The following CEP290 variants were observed in gnomAD, a reference collection of about 807,000 sequenced individuals.
CEP290 encodes centrosomal protein of 290 kDa.
CEP290 carries 317 observed loss-of-function variants against 344.9 expected under a neutral mutation model. The observed-to-expected ratio is 0.92, with a 90% CI of 0.84 to 1.01. The LOEUF is 1.01. Ranked by LOEUF, CEP290 falls within the 50% of genes least tolerant of loss-of-function variation. CEP290 has a pLI of 0.00. For synonymous variants in CEP290, 932 were observed against 895.8 expected (o/e 1.04, Z -0.72); for missense variants, 2,754 against 2,761.4 (o/e 1.00, Z 0.06).
chr12:88,073,984 G>T (rs888485800), intron 41 of CEP290, among the ~76,000 whole-genome samples: 1 of 151,962 alleles, frequency 6.6e-6, no homozygotes, highest in South Asian at 2.1e-4. Context: ...CAGCACTTTG[G>T]GGGGCCAAGG....
Position 88,102,835 on chromosome 12 carries a change from T to G in CEP290, c.2991+3A>C. 5.6e-6 allele frequency: 9 copies of G among 1,608,412 alleles called. No homozygotes were observed. The highest frequency in any genetic ancestry group is 7.6e-6 in the Non-Finnish European group (9 of 1,177,642). ...ACAAGGTTCAAGAATCACACAAACT[T>G]ACCTCCAGGTGTTCCAAGTTACTTG... is the stretch of plus-strand genomic sequence containing the variant. On this transcript the variant is annotated splice_donor_region_variant and intron_variant, in intron 26 of 53. Coordinates refer to ENST00000552810, the MANE Select transcript of CEP290 (RefSeq NM_025114.4).
At chr12:88,084,104 G>A (rs2036394976) in intron 35 of CEP290, 150 bp from the exon 36 acceptor site, 1 of 573,354 alleles carries the variant, frequency 1.7e-6, no homozygotes, top group Non-Finnish European at 3.0e-6. Flanking sequence ...ATCTAGACTG[G>A]TATGCATGTC....
intron 29 of CEP290, 67 bp downstream of exon 29, chr12:88,092,614 G>A: frequency 7.2e-7 from 1 of 1,393,292 alleles, no homozygotes; most frequent in African/African-American, 1.4e-5. Context: ...CCTGTAATTG[G>A]GTTTCTTAAA....
At chr12:88,115,861 C>G in intron 18 of CEP290, 3 of 983,078 alleles carry the variant, frequency 3.1e-6, no homozygotes, top group Non-Finnish European at 3.6e-6. Flanking sequence ...GTAATAGACA[C>G]AGGGTCTGGA....
chr12:88,126,215 C>A, intron 12 of CEP290, 101 bp downstream of exon 12: 1 of 930,226 alleles, frequency 1.1e-6, no homozygotes, highest in Non-Finnish European at 1.5e-6. Flanking sequence ...GTAGTACCAG[C>A]CGCTACACTA....
In CEP290 at chr12:88,066,780, A is replaced by G. The variant is rs565714513; in HGVS notation, c.6135+1742T>C. The stretch of plus-strand genomic sequence containing the variant: ...GCCTCCCTAATAGCTAGGACTACAA[A>G]TGTGTTCCACCACATCTGTCTAAAT... On this transcript the variant is annotated intron_variant, in intron 44 of 53. Transcript: ENST00000552810. Among the ~76,000 whole-genome samples the G allele has an allele frequency of 3.5e-4, 53 of 152,118 alleles. No homozygotes were observed. In the South Asian group the frequency reaches 0.011, roughly 31 times the overall value.
At chr12:88,082,283 A>G (rs1272520658) in intron 37 of CEP290, among the ~76,000 whole-genome samples, 1 of 152,236 alleles carries the variant, frequency 6.6e-6, no homozygotes, top group Non-Finnish European at 1.5e-5. Context: ...TGTGTAATCA[A>G]AAGTTTTCTA....
intron 26 of CEP290, among the ~76,000 whole-genome samples, chr12:88,098,458 A>C (rs1428052365): frequency 6.6e-6 from 1 of 151,856 alleles, no homozygotes; most frequent in Non-Finnish European, 1.5e-5. Context: ...AAAAAACACA[A>C]AAAATTAGCT....
At chr12:88,083,519 T>C (rs1403473716) in intron 36 of CEP290, among the ~76,000 whole-genome samples, 1 of 152,184 alleles carries the variant, frequency 6.6e-6, no homozygotes, top group East Asian at 1.9e-4. Flanking sequence ...GAAAGACATG[T>C]CATTTCATAC....
chr12:88,098,968 A>C (rs2037671556), intron 26 of CEP290, among the ~76,000 whole-genome samples: 1 of 152,228 alleles, frequency 6.6e-6, no homozygotes, highest in Non-Finnish European at 1.5e-5. Context: ...TGGCATGCCA[A>C]GACAAGGAAC....
rs922586667 is a variant in CEP290 at position 88,059,766 on chromosome 12, T to C, written c.6645+132A>G. On this transcript the variant is annotated intron_variant, in intron 48 of 53. Coordinates refer to ENST00000552810, the MANE Select transcript of CEP290 (RefSeq NM_025114.4). ...TGGTGGAATGTGATGACAGCAGGCA[T>C]AGAAACACAATTCCTCAATCTCTTA... 5.6e-6 allele frequency: 4 copies of C among 714,066 alleles called. No homozygotes were observed. In the African/African-American group the frequency reaches 7.5e-5, roughly 13 times the overall value. The allele number at this position is 714,066 out of a possible 1,614,324, so 44.2% of individuals were successfully genotyped here.
At position 88,129,980 on chromosome 12, in the gene CEP290, G is replaced by C. The variant is rs987013589; in HGVS notation, c.670-104C>G. 9.1e-6 allele frequency: 7 copies of C among 771,058 alleles called. No homozygotes were observed. The Admixed American group carries it at 2.2e-4, about 25-fold the overall frequency. 47.8% of individuals were successfully genotyped at this position (771,058 alleles called of 1,614,324 possible). On this transcript the variant is annotated intron_variant, in intron 9 of 53. Coordinates refer to ENST00000552810, the MANE Select transcript of CEP290 (RefSeq NM_025114.4). ...GCCATAAGTGTCCTCTAGAAAAAAAGAGAATTCTTTATAGACCTTTACTAA... is the reference window on the plus strand; with the variant it reads ...GCCATAAGTGTCCTCTAGAAAAAAACAGAATTCTTTATAGACCTTTACTAA...
intron 27 of CEP290, among the ~76,000 whole-genome samples, chr12:88,096,088 G>A (rs987765482): frequency 2.2e-4 from 33 of 150,802 alleles, no homozygotes; most frequent in Non-Finnish European, 1.0e-4. Flanking sequence ...CACTCTTATC[G>A]CCTAGGCTGG....
At position 88,087,767 on chromosome 12, in the gene CEP290, TATAAA is replaced by T. The variant is rs1223134777; in HGVS notation, c.4194+8_4194+12del. ...AACTTAGGGAAAAAAATGAAATAAATATAAAATAAAACCTTGTTCTGTTGCACAAT... is the reference window on the plus strand; with the variant it reads ...AACTTAGGGAAAAAAATGAAATAAATATAAAACCTTGTTCTGTTGCACAAT... On this transcript the variant is annotated splice_region_variant and intron_variant, in intron 32 of 53. Transcript: ENST00000552810. The T allele has an allele frequency of 1.2e-6, 1 of 804,676 alleles. No homozygotes were observed. Among genetic ancestry groups the T allele is most frequent in the Non-Finnish European group, 1.7e-6 (1 of 594,694 alleles). The allele number at this position is 804,676 out of a possible 1,614,324, so 49.8% of individuals were successfully genotyped here. A position where few individuals can be genotyped will look rare whatever the true frequency, so the allele number is the denominator to read the frequency against.
intron 35 of CEP290, among the ~76,000 whole-genome samples, 197 bp downstream of exon 35, chr12:88,084,389 T>C (rs1000582287): frequency 1.3e-5 from 2 of 152,168 alleles, no homozygotes; most frequent in Non-Finnish European, 1.5e-5. Flanking sequence ...GTTTAGTCAG[T>C]GTATAATAGA....
Position 88,080,162 on chromosome 12 carries a change from A to C in CEP290, c.5226+20T>G, listed in dbSNP as rs2036088068. 1 of 1,517,458 alleles carries C rather than the reference A, an allele frequency of 6.6e-7. No individual in the cohort carries two copies. The highest frequency in any genetic ancestry group is 9.0e-7 in the Non-Finnish European group (1 of 1,115,600). The allele number at this position is 1,517,458 out of a possible 1,614,324, so 94.0% of individuals were successfully genotyped here. Reference sequence around the variant, plus strand: ...CCACATATTTTTCCTAAATGTTGATAATTTTCTGTTGTTACTTACTTTCTG... The same window carrying C: ...CCACATATTTTTCCTAAATGTTGATCATTTTCTGTTGTTACTTACTTTCTG... On this transcript the variant is annotated intron_variant, in intron 38 of 53. Coordinates refer to ENST00000552810, the MANE Select transcript of CEP290 (RefSeq NM_025114.4).
intron 26 of CEP290, among the ~76,000 whole-genome samples, chr12:88,099,398 G>A (rs532335377): frequency 6.6e-6 from 1 of 152,222 alleles, no homozygotes; most frequent in Admixed American, 6.5e-5. Flanking sequence ...CTGTACAACA[G>A]AATAGAGCTG....
intron 13 of CEP290, among the ~76,000 whole-genome samples, chr12:88,123,947 T>C (rs931744876): frequency 1.3e-5 from 2 of 152,094 alleles, no homozygotes; most frequent in Non-Finnish European, 2.9e-5. Flanking sequence ...TCTGATCTGT[T>C]AGCAAATTCC....
chr12:88,112,251 C>A (rs374672899), intron 20 of CEP290, among the ~76,000 whole-genome samples: 12 of 152,020 alleles, frequency 7.9e-5, no homozygotes, highest in Middle Eastern at 3.2e-3. Flanking sequence ...CTGCTCCCTA[C>A]ATGGGGTTTT....
Sources: gnomAD v4.1 joint callset for allele counts (sites outside exome capture counted in the v4.1 genomes callset) on GRCh38, gnomAD v4.1.1 for gene constraint, MANE v1.5 for transcripts, NCBI Gene and HGNC (gene_info 2026-07-23, HGNC 2026-07-21) for gene names.